Variants in OSTF1 observed in about 807,000 individuals in gnomAD.
The protein encoded by OSTF1 is osteoclast stimulating factor 1, also known as osteoclast-stimulating factor 1.
A neutral mutation model predicts 37.2 loss-of-function variants in OSTF1; 27 were observed. The ratio of observed to expected loss-of-function variants is 0.73; its 90% CI spans 0.54 to 1.00. The LOEUF is 1.00. OSTF1 is among the 50% of genes least tolerant of loss of function. The probability of loss-of-function intolerance (pLI) is 0.00; values close to 1 mark genes in which losing one functional copy is unlikely to be tolerated. For synonymous variants in OSTF1, 82 were observed against 89.2 expected (o/e 0.92, Z 0.46); for missense variants, 232 against 253.8 (o/e 0.91, Z 0.58).
At position 75,088,670 on chromosome 9, in the gene OSTF1, G is replaced by T. The variant is rs748206809; in HGVS notation, c.-23G>T. On this transcript the variant is annotated 5_prime_UTR_variant, in exon 1 of 10. Transcript: ENST00000346234. ...GTGGGCTTTTCGGCGGGGTCTTTAGGATTTGCAGCTCCAGGAAGCGAGATG... is the reference window on the plus strand; with the variant it reads ...GTGGGCTTTTCGGCGGGGTCTTTAGTATTTGCAGCTCCAGGAAGCGAGATG... 6.2e-7 allele frequency: 1 copy of T among 1,605,692 alleles called. No individual in the cohort carries two copies. Among genetic ancestry groups the T allele is most frequent in the Non-Finnish European group, 8.5e-7 (1 of 1,176,034 alleles).
intron 1 of OSTF1, among the ~76,000 whole-genome samples, chr9:75,103,110 TACTCTATCCC>T (rs1180447846): frequency 1.4e-5 from 2 of 146,516 alleles, no homozygotes. Context: ...AACATAATGA[TACTCTATCCC>T]TACAAAAAAT....
intron 2 of OSTF1, among the ~76,000 whole-genome samples, chr9:75,125,698 A>G (rs1169277854): frequency 6.6e-6 from 1 of 152,174 alleles, no homozygotes; most frequent in Non-Finnish European, 1.5e-5. Context: ...GCATCTAAGT[A>G]TTTTCATGTA....
chr9:75,099,380 T>A (rs1295172690), intron 1 of OSTF1, among the ~76,000 whole-genome samples: 1 of 151,906 alleles, frequency 6.6e-6, no homozygotes, highest in Non-Finnish European at 1.5e-5. Context: ...GCTTCCTGAG[T>A]AGCTGAGACT....
At chr9:75,138,006 A>G (rs1031962869) in intron 8 of OSTF1, among the ~76,000 whole-genome samples, 3 of 152,236 alleles carry the variant, frequency 2.0e-5, no homozygotes, top group Admixed American at 1.3e-4. Context: ...GTCTTGACAG[A>G]TAAGCAAGAA....
At chr9:75,100,836 C>T (rs1417845580) in intron 1 of OSTF1, among the ~76,000 whole-genome samples, 2 of 151,982 alleles carry the variant, frequency 1.3e-5, no homozygotes, top group African/African-American at 4.8e-5. Flanking sequence ...AGTATTGTCA[C>T]AACTCTCCCC....
intron 7 of OSTF1, 119 bp from the exon 8 acceptor site, chr9:75,137,419 T>C (rs1825859849): frequency 3.0e-6 from 2 of 657,418 alleles, no homozygotes; most frequent in Admixed American, 5.6e-5. Flanking sequence ...TGTGGTTCTA[T>C]AACTTTGTTC....
At chr9:75,112,957 A>T (rs1825418020) in intron 1 of OSTF1, among the ~76,000 whole-genome samples, 1 of 152,130 alleles carries the variant, frequency 6.6e-6, no homozygotes, top group Non-Finnish European at 1.5e-5. Context: ...AGCAGAAAAT[A>T]CTGTATTTCT....
rs969274464 is a variant in OSTF1 at position 75,112,800 on chromosome 9, T to C, written c.35-4704T>C. On this transcript the variant is annotated intron_variant, in intron 1 of 9. Transcript: ENST00000346234. ...TTTCCAAAATTAGCCATAACACATC[T>C]CATCGCTGCCTTCCCTCAAAGGAAC... Among the ~76,000 whole-genome samples, 15 of 152,352 alleles carry C rather than the reference T, an allele frequency of 9.8e-5. No individual in the cohort carries two copies. The South Asian group carries it at 3.1e-3, about 32-fold the overall frequency.
At chr9:75,139,220 G>C (rs2118621476) in intron 8 of OSTF1, among the ~76,000 whole-genome samples, 1 of 143,400 alleles carries the variant, frequency 7.0e-6, no homozygotes, top group South Asian at 2.3e-4. Flanking sequence ...TTTTTGTAGA[G>C]ATGGAGTTTC....
At position 75,147,236 on chromosome 9, in the gene OSTF1, TTAAG is replaced by T. The variant is rs1826042546; in HGVS notation, c.*503_*506del. The T allele has an allele frequency of 6.6e-6, 1 of 152,106 alleles. No homozygotes were observed. Among genetic ancestry groups the T allele is most frequent in the Non-Finnish European group, 1.5e-5 (1 of 68,092 alleles). The allele number at this position is 152,106 out of a possible 1,614,324, so 9.4% of individuals were successfully genotyped here. A position where few individuals can be genotyped will look rare whatever the true frequency, so the allele number is the denominator to read the frequency against. On this transcript the variant is annotated 3_prime_UTR_variant, in exon 10 of 10. Coordinates refer to ENST00000346234, the MANE Select transcript of OSTF1 (RefSeq NM_012383.5). ...GTTTCTGTGGTATCACTCATTGTCG[TTAAG>T]TAAGTAAAGCTTTTTATATTTAGGT...
intron 1 of OSTF1, among the ~76,000 whole-genome samples, chr9:75,098,070 C>G (rs1432315826): frequency 1.3e-5 from 2 of 152,086 alleles, no homozygotes; most frequent in African/African-American, 4.8e-5. Context: ...GTTGCTCAGG[C>G]TAGTTTCTTC....
At chr9:75,094,200 A>G (rs1009863031) in intron 1 of OSTF1, among the ~76,000 whole-genome samples, 1 of 152,118 alleles carries the variant, frequency 6.6e-6, no homozygotes, top group South Asian at 2.1e-4. Flanking sequence ...ATGCAGTTGT[A>G]TTATTGGTAT....
chr9:75,118,369 C>T (rs1825525235), intron 2 of OSTF1, among the ~76,000 whole-genome samples: 1 of 152,048 alleles, frequency 6.6e-6, no homozygotes, highest in Non-Finnish European at 1.5e-5. Flanking sequence ...AAGTTGCAAA[C>T]ATGGGAGAGG....
rs1013555261 is a variant in OSTF1, at chr9:75,117,438, G to T, written c.35-66G>T. The T allele has an allele frequency of 1.9e-5, 21 of 1,084,774 alleles. No individual in the cohort carries two copies. In the African/African-American group the frequency reaches 3.1e-4, roughly 16 times the overall value. 67.2% of individuals were successfully genotyped at this position (1,084,774 alleles called of 1,614,324 possible). ...TTAGGGAATTCTGAAGGATATAATG[G>T]ATAATGCTATTAAGAGCAAATTCAG... On this transcript the variant is annotated intron_variant, in intron 1 of 9. Coordinates refer to ENST00000346234, the MANE Select transcript of OSTF1 (RefSeq NM_012383.5).
intron 3 of OSTF1, among the ~76,000 whole-genome samples, chr9:75,128,602 A>G (rs1236617159): frequency 9.3e-6 from 1 of 108,074 alleles, no homozygotes; most frequent in African/African-American, 3.4e-5. Flanking sequence ...ATATATATAT[A>G]TATATTTTGT....
chr9:75,130,771 C>A, intron 4 of OSTF1, 130 bp downstream of exon 4: 1 of 647,534 alleles, frequency 1.5e-6, no homozygotes, highest in Non-Finnish European at 2.9e-6. Flanking sequence ...TTTTCTATTC[C>A]ATGAGCCTTC....
In OSTF1 at chr9:75,111,460, C is replaced by T. The variant is rs114365969; in HGVS notation, c.35-6044C>T. On this transcript the variant is annotated intron_variant, in intron 1 of 9. Transcript: ENST00000346234. Reference sequence around the variant, plus strand: ...CCAGTGAAGTGAGCCAGCAGGTGCACCGCTGCTGCTGCTGTGCTGATCTTG... The same window carrying T: ...CCAGTGAAGTGAGCCAGCAGGTGCATCGCTGCTGCTGCTGTGCTGATCTTG... 9.4e-3 allele frequency among the ~76,000 whole-genome samples: 1,428 copies of T among 152,244 alleles called. 20 individuals are homozygous for T. Among genetic ancestry groups the T allele is most frequent in the African/African-American group, 0.033 (1,367 of 41,542 alleles).
At chr9:75,106,394 C>T (rs972282693) in intron 1 of OSTF1, among the ~76,000 whole-genome samples, 4 of 152,096 alleles carry the variant, frequency 2.6e-5, no homozygotes, top group Non-Finnish European at 4.4e-5. Context: ...CCTGTAATCC[C>T]AGCACTTTGA....
chr9:75,120,700 C>A (rs1356254738), intron 2 of OSTF1, among the ~76,000 whole-genome samples: 1 of 152,168 alleles, frequency 6.6e-6, no homozygotes, highest in Non-Finnish European at 1.5e-5. Flanking sequence ...GATTGGCATT[C>A]CTCAAAGGTG....
Sources: gnomAD v4.1 joint callset for allele counts (sites outside exome capture counted in the v4.1 genomes callset) on GRCh38, gnomAD v4.1.1 for gene constraint, MANE v1.5 for transcripts, NCBI Gene and HGNC (gene_info 2026-07-23, HGNC 2026-07-21) for gene names.